Variants in DHX36 observed in about 807,000 individuals in gnomAD.
DHX36 encodes ATP-dependent DNA/RNA helicase DHX36.
In DHX36, 50 loss-of-function variants were observed where a neutral mutation model predicts 139.0. The ratio of observed to expected loss-of-function variants is 0.36; its 90% CI spans 0.29 to 0.46. The LOEUF (loss-of-function observed/expected upper bound fraction) is 0.46. DHX36 is among the 20% of genes least tolerant of loss of function. The probability of loss-of-function intolerance (pLI) is 1.00; values close to 1 mark genes in which losing one functional copy is unlikely to be tolerated. For synonymous variants in DHX36, 425 were observed against 401.9 expected (o/e 1.06, Z -0.69); for missense variants, 1,024 against 1,211.3 (o/e 0.85, Z 2.29).
rs1712197338 is a variant in DHX36 at position 154,299,873 on chromosome 3, T to C, written c.1514A>G (p.His505Arg). 23 of 1,613,612 alleles carry C rather than the reference T, an allele frequency of 1.4e-5. No individual in the cohort carries two copies. The highest frequency in any genetic ancestry group is 1.7e-5 in the Non-Finnish European group (20 of 1,179,674). The stretch of plus-strand genomic sequence containing the variant: ...CATTACTTGTGACATCAAGAGATCA[T>C]GTAAAGTGCTGATATTGTCCCAGCC... ...LPGWDNISTL[H>R]DLLMSQVMFK... The change falls in exon 12 of 25, where the codon CAT becomes CGT. Residue 505 changes from histidine to arginine, a missense_variant. His to Arg is a conservative substitution (Grantham distance 29). Transcript: ENST00000496811.
chr3:154,290,679 C>CATG (rs2108342432), intron 15 of DHX36, among the ~76,000 whole-genome samples: 1 of 149,454 alleles, frequency 6.7e-6, no homozygotes, highest in Non-Finnish European at 1.5e-5. Flanking sequence ...TGACCATATT[C>CATG]ATGTATTCTC....
chr3:154,280,625 G>A lies in DHX36; in HGVS notation c.2521C>T (p.Pro841Ser), dbSNP rs768012758. ...TTTAGTCGAATTTTAGCAACTTTGGGATATAAACCAGCACAGATGACAGCT... is the reference window on the plus strand; with the variant it reads ...TTTAGTCGAATTTTAGCAACTTTGGAATATAAACCAGCACAGATGACAGCT... ...IKAVICAGLYPKVAKIRLNLG... is the reference protein window; with the variant it reads ...IKAVICAGLYSKVAKIRLNLG... Residue 841 changes from proline (P) to serine (S), a missense_variant, in exon 22 of 25, where the codon CCC becomes TCC. Around this residue, in one of 4 missense-constraint regions of DHX36, gnomAD observed 470 missense variants for 616.2 expected, o/e 0.76. Coordinates refer to ENST00000496811, the MANE Select transcript of DHX36 (RefSeq NM_020865.3). 6.2e-7 allele frequency: 1 copy of A among 1,612,686 alleles called. No homozygotes were observed. Among genetic ancestry groups the A allele is most frequent in the Admixed American group, 1.7e-5 (1 of 59,906 alleles).
At position 154,305,079 on chromosome 3, in the gene DHX36, T is replaced by C. The variant is rs201106325; in HGVS notation, c.968+15A>G. 1,473 of 1,609,120 alleles carry C rather than the reference T, an allele frequency of 9.2e-4. 19 individuals are homozygous for C. In the South Asian group the frequency reaches 9.6e-3, roughly 10 times the overall value. ...TTTGATAACACTTATATTTCCTTAA[T>C]TGAAACATACTCACGGGTCTGACTG... On this transcript the variant is annotated intron_variant, in intron 7 of 24. Transcript: ENST00000496811.
intron 3 of DHX36, 38 bp downstream of exon 3, chr3:154,315,008 A>G (rs766491992): frequency 7.6e-6 from 11 of 1,452,998 alleles, no homozygotes; most frequent in Non-Finnish European, 1.0e-5. Flanking sequence ...AAGTGTAAGA[A>G]AAAAATGACA....
intron 5 of DHX36, among the ~76,000 whole-genome samples, chr3:154,308,497 A>G (rs1246623957): frequency 6.6e-6 from 1 of 152,230 alleles, no homozygotes; most frequent in Non-Finnish European, 1.5e-5. Context: ...AAACACCTTT[A>G]AAAAATATAT....
At position 154,315,205 on chromosome 3, in the gene DHX36, T is replaced by C. The variant is rs367855835; in HGVS notation, c.444A>G (p.Ile148Met). The change falls in exon 3 of 25, where the codon ATA (isoleucine) becomes ATG (methionine). Residue 148 changes from isoleucine (I) to methionine (M), a missense_variant. Transcript: ENST00000496811. ...NKLDIQEKKL[I>M]NQEKKMFRIR... ...TTCTAAACATTTTTTTTTCTTGATT[T>C]ATCAACTTCTTTTCCTGGATGTCAA... The C allele has an allele frequency of 8.1e-6, 13 of 1,613,520 alleles. No individual in the cohort carries two copies. The African/African-American group carries it at 1.7e-4, about 22-fold the overall frequency.
intron 18 of DHX36, 68 bp downstream of exon 18, chr3:154,284,746 T>C (rs1050556288): frequency 6.3e-7 from 1 of 1,596,110 alleles, no homozygotes; most frequent in African/African-American, 1.4e-5. Context: ...AAAACGCTAA[T>C]GAAAAATATA....
intron 15 of DHX36, among the ~76,000 whole-genome samples, chr3:154,290,462 C>A (rs773530488): frequency 6.6e-6 from 1 of 151,312 alleles, no homozygotes; most frequent in African/African-American, 2.4e-5. Context: ...ATGGTGAAAC[C>A]CCATCTGTAC....
chr3:154,305,761 T>C (rs1712477309), intron 6 of DHX36, among the ~76,000 whole-genome samples: 1 of 152,078 alleles, frequency 6.6e-6, no homozygotes, highest in Admixed American at 6.5e-5. Flanking sequence ...TGAGAACCTA[T>C]CTCTAAAAAA....
At chr3:154,322,212 A>C (rs778271286) in intron 1 of DHX36, among the ~76,000 whole-genome samples, 1 of 152,242 alleles carries the variant, frequency 6.6e-6, no homozygotes, top group Non-Finnish European at 1.5e-5. Context: ...GCACAGCGGT[A>C]AACCTGTTAC....
intron 1 of DHX36, 39 bp downstream of exon 1, chr3:154,324,135 G>C: frequency 1.3e-6 from 2 of 1,567,198 alleles, no homozygotes; most frequent in Non-Finnish European, 8.7e-7. Flanking sequence ...AAGAAAACCT[G>C]TGCTGCCTCA....
At chr3:154,298,514 T>A (rs1421669159) in intron 12 of DHX36, among the ~76,000 whole-genome samples, 1 of 152,204 alleles carries the variant, frequency 6.6e-6, no homozygotes, top group Admixed American at 6.5e-5. Context: ...AGTAAATAAT[T>A]TTAATTACAG....
rs1370526043 is a variant in DHX36, at chr3:154,324,287, C to A, written c.130G>T (p.Gly44Trp). The change falls in exon 1 of 25, where the codon GGG becomes TGG. Residue 44 changes from glycine (G) to tryptophan (W), a missense_variant. Physicochemically the swap from Gly to Trp is radical, Grantham distance 184. Around this residue, in one of 4 missense-constraint regions of DHX36, gnomAD observed 293 missense variants for 274.4 expected, o/e 1.07. Transcript: ENST00000496811. The stretch of plus-strand genomic sequence containing the variant: ...CGGCCCCTGCCGCCTCGACCACCCC[C>A]TCCGCCGCCGCCGCCTCCTCCGGAG... ...RGSGGGGGGG[G>W]GGRGGRGRHP... 1 of 1,613,044 alleles carries A rather than the reference C, an allele frequency of 6.2e-7. No homozygotes were observed.
intron 1 of DHX36, among the ~76,000 whole-genome samples, chr3:154,317,815 G>C (rs1383133900): frequency 6.7e-6 from 1 of 149,252 alleles, no homozygotes; most frequent in Non-Finnish European, 1.5e-5. Context: ...GTAAAATCTA[G>C]AGCAATAGAT....
rs755754972 is a variant in DHX36, at chr3:154,284,936, G to A, written c.2083C>T (p.Arg695Ter). 3 of 1,614,116 alleles carry A rather than the reference G, an allele frequency of 1.9e-6. No homozygotes were observed. The highest frequency in any genetic ancestry group is 2.5e-6 in the Non-Finnish European group (3 of 1,180,018). ...ELTPLGVHLA[R>*]LPVEPHIGKM... ...CCAATATGTGGCTCAACGGGTAATC[G>A]TGCCAAGTGGACTCCAAGAGGTGTC... Residue 695 changes from arginine (R) to a stop codon, truncating the protein, a stop_gained, in exon 18 of 25, where the codon CGA becomes TGA. Transcript: ENST00000496811. LOFTEE classifies it high-confidence loss of function.
At chr3:154,291,984 A>G (rs1711841171) in intron 15 of DHX36, among the ~76,000 whole-genome samples, 1 of 152,234 alleles carries the variant, frequency 6.6e-6, no homozygotes, top group South Asian at 2.1e-4. Context: ...GCTTTCATTG[A>G]AAACTACTGG....
intron 3 of DHX36, 48 bp downstream of exon 3, chr3:154,314,998 A>C (rs1345650778): frequency 7.5e-7 from 1 of 1,328,808 alleles, no homozygotes; most frequent in East Asian, 2.4e-5. Context: ...CATTTTTATA[A>C]AGTGTAAGAA....
At position 154,284,871 on chromosome 3, in the gene DHX36, G is replaced by C. The variant is rs1711505945; in HGVS notation, c.2148C>G (p.Asp716Glu). 1 of 1,614,086 alleles carries C rather than the reference G, an allele frequency of 6.2e-7. No individual in the cohort carries two copies. The highest frequency in any genetic ancestry group is 1.7e-5 in the Admixed American group (1 of 60,024). ...GACTAGCAGCAATAGTGAGTACTGG[G>C]TCTAAGCAGCAGAACAGTGCTCCAA... ...ILFGALFCCL[D>E]PVLTIAASLS... is the part of the protein sequence containing the mutation. The change falls in exon 18 of 25, where the codon GAC (aspartate) becomes GAG (glutamate). Residue 716 changes from aspartate to glutamate, a missense_variant. Transcript: ENST00000496811.
intron 3 of DHX36, 63 bp downstream of exon 3, chr3:154,314,983 A>G (rs1712907481): frequency 8.8e-7 from 1 of 1,133,870 alleles, no homozygotes; most frequent in Non-Finnish European, 1.3e-6. Context: ...CTCTAACCAT[A>G]CATACATTTT....
Sources: gnomAD v4.1 joint callset for allele counts (sites outside exome capture counted in the v4.1 genomes callset) on GRCh38, gnomAD v4.1.1 for gene constraint, gnomAD v4.1.1 regional missense constraint, MANE v1.5 for transcripts, NCBI Gene and HGNC (gene_info 2026-07-23, HGNC 2026-07-21) for gene names.